The following LRRC4C variants were observed in gnomAD, a reference collection of about 807,000 sequenced individuals.
LRRC4C encodes leucine rich repeat containing 4C.
In LRRC4C, 5 loss-of-function variants were observed where a neutral mutation model predicts 33.6. The ratio of observed to expected loss-of-function variants is 0.15; its 90% CI spans 0.08 to 0.31. The LOEUF (loss-of-function observed/expected upper bound fraction) is 0.31, where lower values mean the gene tolerates loss of function less well. Ranked by LOEUF, LRRC4C falls within the 10% of genes least tolerant of loss-of-function variation. LRRC4C has a pLI of 1.00. For synonymous variants in LRRC4C, 329 were observed against 302.0 expected, an observed-to-expected ratio of 1.09 and a Z score of -0.93; for missense variants, 560 against 796.7, an observed-to-expected ratio of 0.70 and a Z score of 3.58.
chr11:40,863,848 C>T (rs1591928898), intron 2 of LRRC4C, among the ~76,000 whole-genome samples: 1 of 152,044 alleles, frequency 6.6e-6, no homozygotes, highest in East Asian at 1.9e-4. Context: ...TTCCTTTTTG[C>T]TTAACTTATT....
intron 3 of LRRC4C, among the ~76,000 whole-genome samples, chr11:40,387,234 A>T (rs963343869): frequency 6.6e-6 from 1 of 152,164 alleles, no homozygotes; most frequent in African/African-American, 2.4e-5. Flanking sequence ...AACCATTAAT[A>T]TTACTTAAAA....
chr11:40,711,626 G>A (rs1185683719), intron 2 of LRRC4C, among the ~76,000 whole-genome samples: 1 of 151,182 alleles, frequency 6.6e-6, no homozygotes, highest in Non-Finnish European at 1.5e-5. Context: ...CATTACTTTT[G>A]TACTAGTTTG....
In LRRC4C at chr11:40,116,081, G is replaced by A. The variant is rs1347112092; in HGVS notation, c.212C>T (p.Pro71Leu). ...ICVRKNLREV[P>L]DGISTNTRLL... Reference sequence around the variant, plus strand: ...CCGTGTGTTGGTGGAGATGCCATCCGGAACCTCACGCAGGTTTTTCCGAAC... The same window carrying A: ...CCGTGTGTTGGTGGAGATGCCATCCAGAACCTCACGCAGGTTTTTCCGAAC... Residue 71 changes from proline to leucine, a missense_variant, in exon 7 of 7, where the codon CCG becomes CTG. Around this residue, in one of 3 missense-constraint regions of LRRC4C, gnomAD observed 455 missense variants for 643.8 expected, o/e 0.71. Coordinates refer to ENST00000528697, the MANE Select transcript of LRRC4C (RefSeq NM_001258419.2). 6.2e-6 allele frequency: 10 copies of A among 1,613,750 alleles called. No individual in the cohort carries two copies. The highest frequency in any genetic ancestry group is 7.6e-6 in the Non-Finnish European group (9 of 1,179,952).
chr11:40,172,769 G>T (rs1860153548), intron 5 of LRRC4C, among the ~76,000 whole-genome samples: 1 of 152,104 alleles, frequency 6.6e-6, no homozygotes, highest in Non-Finnish European at 1.5e-5. Context: ...GATTCATAAT[G>T]CTCTGTGTTA....
chr11:40,969,822 G>A (rs564723377), intron 1 of LRRC4C, among the ~76,000 whole-genome samples: 15 of 152,252 alleles, frequency 9.9e-5, no homozygotes, highest in African/African-American at 3.4e-4. Context: ...GCAGTGACCT[G>A]GAATTGAACC....
chr11:40,970,188 G>C (rs1851629387), intron 1 of LRRC4C, among the ~76,000 whole-genome samples: 1 of 152,172 alleles, frequency 6.6e-6, no homozygotes, highest in Non-Finnish European at 1.5e-5. Context: ...AATTGATAAG[G>C]TTTGGATCTG....
intron 5 of LRRC4C, among the ~76,000 whole-genome samples, chr11:40,224,962 TAA>T (rs961214908): frequency 2.4e-4 from 37 of 152,264 alleles, no homozygotes; most frequent in African/African-American, 8.4e-4. Flanking sequence ...CTTCTTAAAA[TAA>T]AAGAGTTACT....
At chr11:41,065,632 A>G (rs1178095307) in intron 1 of LRRC4C, among the ~76,000 whole-genome samples, 1 of 152,190 alleles carries the variant, frequency 6.6e-6, no homozygotes, top group Non-Finnish European at 1.5e-5. Context: ...AGGCCTCCCA[A>G]CAGGGGTCTA....
chr11:40,279,053 A>T (rs1943300760), intron 4 of LRRC4C, among the ~76,000 whole-genome samples: 1 of 152,202 alleles, frequency 6.6e-6, no homozygotes, highest in African/African-American at 2.4e-5. Flanking sequence ...ATGAAAGAGG[A>T]CTATGCCAAG....
Position 40,423,339 on chromosome 11 carries a change from C to CTTTTTT in LRRC4C, c.-269-103624_-269-103619dup, listed in dbSNP as rs35819704. ...GAAAAGGAAGTCAGTTGTTCATGTT[C>CTTTTTT]TTTTTTTTTTTTTTTTTTTTTTTGA... is the stretch of plus-strand genomic sequence containing the variant. On this transcript the variant is annotated intron_variant, in intron 3 of 6. Transcript: ENST00000528697. Among the ~76,000 whole-genome samples, 208 of 90,920 alleles carry CTTTTTT rather than the reference C, an allele frequency of 2.3e-3. 1 individual carries two copies. The highest frequency in any genetic ancestry group is 3.5e-3 in the East Asian group (10 of 2,878). 59.6% of individuals were successfully genotyped at this position (90,920 alleles called of 152,430 possible).
intron 3 of LRRC4C, among the ~76,000 whole-genome samples, chr11:40,433,748 A>G (rs1288686544): frequency 6.6e-6 from 1 of 152,190 alleles, no homozygotes; most frequent in Non-Finnish European, 1.5e-5. Context: ...ATATGTGTAA[A>G]AGGAAGTAGT....
intron 1 of LRRC4C, among the ~76,000 whole-genome samples, chr11:40,971,254 A>G (rs1459687624): frequency 6.6e-6 from 1 of 152,206 alleles, no homozygotes; most frequent in Non-Finnish European, 1.5e-5. Flanking sequence ...GAAGGGAAGA[A>G]TGTTATGGTG....
intron 1 of LRRC4C, among the ~76,000 whole-genome samples, chr11:40,938,460 C>G (rs1367787499): frequency 6.6e-6 from 1 of 151,980 alleles, no homozygotes; most frequent in East Asian, 1.9e-4. Context: ...ATGACGATGG[C>G]AGTAAATGTA....
intron 2 of LRRC4C, among the ~76,000 whole-genome samples, chr11:40,762,755 AT>A (rs1475622995): frequency 6.6e-6 from 1 of 151,656 alleles, no homozygotes; most frequent in Admixed American, 6.6e-5. Context: ...TAAAATATAA[AT>A]TTTTTTTAGT....
intron 1 of LRRC4C, among the ~76,000 whole-genome samples, chr11:41,426,971 C>A (rs74882911): frequency 6.6e-6 from 1 of 152,142 alleles, no homozygotes; most frequent in African/African-American, 2.4e-5. Flanking sequence ...GTTAAAAGTC[C>A]CAGAACATCA....
At chr11:40,948,584 T>C (rs1420633832) in intron 1 of LRRC4C, among the ~76,000 whole-genome samples, 4 of 144,438 alleles carry the variant, frequency 2.8e-5, no homozygotes, top group Non-Finnish European at 6.0e-5. Context: ...GTTCTCATTG[T>C]TCAATTCCCA....
intron 1 of LRRC4C, among the ~76,000 whole-genome samples, chr11:41,227,470 C>A (rs926482895): frequency 2.0e-5 from 3 of 151,982 alleles, no homozygotes; most frequent in Non-Finnish European, 2.9e-5. Flanking sequence ...ACAAAACACA[C>A]CTGCTCAAAG....
At chr11:40,381,231 A>G (rs1253958445) in intron 3 of LRRC4C, among the ~76,000 whole-genome samples, 1 of 55,816 alleles carries the variant, frequency 1.8e-5, no homozygotes, top group African/African-American at 6.2e-5. Flanking sequence ...TTTAAAATGA[A>G]AAAAAAAAAA....
At chr11:40,611,369 A>G (rs978783655) in intron 3 of LRRC4C, among the ~76,000 whole-genome samples, 7 of 151,908 alleles carry the variant, frequency 4.6e-5, no homozygotes, top group Non-Finnish European at 8.8e-5. Context: ...AATTAACTCA[A>G]ATGCATTAAA....
Sources: gnomAD v4.1 joint callset for allele counts (sites outside exome capture counted in the v4.1 genomes callset) on GRCh38, gnomAD v4.1.1 for gene constraint, gnomAD v4.1.1 regional missense constraint, MANE v1.5 for transcripts, NCBI Gene and HGNC (gene_info 2026-07-23, HGNC 2026-07-21) for gene names.